SORBS2: variants seen among roughly 807,000 people sequenced by gnomAD.
SORBS2 encodes sorbin and SH3 domain containing 2.
In SORBS2, 46 loss-of-function variants were observed where a neutral mutation model predicts 97.7. The observed-to-expected ratio is 0.47, with a 90% confidence interval of 0.37 to 0.60. The LOEUF (loss-of-function observed/expected upper bound fraction) is 0.60. Ranked by LOEUF, SORBS2 falls within the 20% of genes least tolerant of loss-of-function variation. The pLI is 0.00. For synonymous variants in SORBS2, 476 were observed against 473.4 expected (o/e 1.01, Z -0.07); for missense variants, 1,316 against 1,282.3 (o/e 1.03, Z -0.40).
At chr4:185,707,544 A>C (rs577085119) in intron 2 of SORBS2, among the ~76,000 whole-genome samples, 242 of 152,114 alleles carry the variant, frequency 1.6e-3, no homozygotes, top group African/African-American at 5.5e-3. Flanking sequence ...TACAAGGCAC[A>C]TAAATTTATT....
intron 1 of SORBS2, among the ~76,000 whole-genome samples, chr4:185,920,463 TA>T (rs2099260458): frequency 6.6e-6 from 1 of 152,190 alleles, no homozygotes; most frequent in Non-Finnish European, 1.5e-5. Context: ...AGGGAATTTG[TA>T]ACAGATCCTG....
At chr4:185,890,194 A>G (rs1295638142) in intron 1 of SORBS2, among the ~76,000 whole-genome samples, 1 of 152,212 alleles carries the variant, frequency 6.6e-6, no homozygotes, top group East Asian at 1.9e-4. Flanking sequence ...GACCAGATTA[A>G]TTTTTAAGTG....
chr4:185,949,702 A>G (rs933608303), intron 1 of SORBS2, among the ~76,000 whole-genome samples: 13 of 152,140 alleles, frequency 8.5e-5, no homozygotes, highest in African/African-American at 3.1e-4. Flanking sequence ...AAAGCCCATT[A>G]AAACGTAAAG....
intron 1 of SORBS2, among the ~76,000 whole-genome samples, chr4:185,817,584 C>T (rs868777863): frequency 5.4e-4 from 83 of 152,316 alleles, no homozygotes; most frequent in Middle Eastern, 3.4e-3. Flanking sequence ...CAGGTACTTC[C>T]GGGCAACGTG....
intron 12 of SORBS2, among the ~76,000 whole-genome samples, chr4:185,599,460 A>C (rs2096202051): frequency 6.6e-6 from 1 of 152,190 alleles, no homozygotes; most frequent in Non-Finnish European, 1.5e-5. Flanking sequence ...AAGTGGATAG[A>C]ATCCAGACAG....
chr4:185,668,922 C>T (rs2097664243), intron 4 of SORBS2, among the ~76,000 whole-genome samples: 1 of 152,214 alleles, frequency 6.6e-6, no homozygotes, highest in Non-Finnish European at 1.5e-5. Context: ...TAATGAGAAA[C>T]ACCAGCTAGC....
chr4:185,935,636 T>C (rs115395174), intron 1 of SORBS2, among the ~76,000 whole-genome samples: 1 of 152,210 alleles, frequency 6.6e-6, no homozygotes, highest in Non-Finnish European at 1.5e-5. Flanking sequence ...ACTAGGGTAT[T>C]GATAGGGCTA....
intron 2 of SORBS2, among the ~76,000 whole-genome samples, chr4:185,691,832 C>T (rs547382135): frequency 6.6e-6 from 1 of 152,022 alleles, no homozygotes; most frequent in South Asian, 2.1e-4. Flanking sequence ...GCAAGCTCTG[C>T]CTCCCGGGCT....
In SORBS2 at chr4:185,801,930, T is replaced by C. The variant is rs373246560; in HGVS notation, c.-337-26564A>G. On this transcript the variant is annotated intron_variant, in intron 1 of 20. Transcript: ENST00000284776. ...AGGGCTGTTGAGCCAGACTCAACAA[T>C]TTACATGAAAGCACTGAGGGGGTGC... 4.5e-4 allele frequency among the ~76,000 whole-genome samples: 68 copies of C among 152,302 alleles called. 2 individuals carry two copies. The South Asian group carries it at 0.012, about 27-fold the overall frequency.
chr4:185,833,354 C>G (rs2099206180), intron 1 of SORBS2, among the ~76,000 whole-genome samples: 2 of 152,198 alleles, frequency 1.3e-5, no homozygotes, highest in South Asian at 4.1e-4. Flanking sequence ...CATTCCAGAA[C>G]CTGGTAATTC....
intron 1 of SORBS2, among the ~76,000 whole-genome samples, chr4:185,857,215 T>G (rs1242909575): frequency 6.6e-6 from 1 of 152,176 alleles, no homozygotes; most frequent in Non-Finnish European, 1.5e-5. Flanking sequence ...TAATGGACAT[T>G]GTTCCCAAAA....
At chr4:185,624,100 T>C (rs2153424227) in exon 7 of SORBS2, 1 of 1,614,176 alleles carries the variant, frequency 6.2e-7, no homozygotes, top group Admixed American at 1.7e-5. Context: ...CTGACCTGTG[T>C]CTGATCCTTG....
intron 12 of SORBS2, among the ~76,000 whole-genome samples, chr4:185,600,308 C>T (rs73020259): frequency 0.11 from 16,005 of 152,186 alleles, 1,959 homozygotes; most frequent in African/African-American, 0.3. Context: ...AGGGAAGAGG[C>T]CAAGAACATA....
At chr4:185,718,190 C>T (rs959862812) in intron 2 of SORBS2, among the ~76,000 whole-genome samples, 1 of 151,774 alleles carries the variant, frequency 6.6e-6, no homozygotes, top group Non-Finnish European at 1.5e-5. Context: ...AAGATCGCGC[C>T]ATTGCACTTC....
In SORBS2 at chr4:185,907,018, C is replaced by A. The variant is rs186665889; in HGVS notation, c.-338+49178G>T. 3.5e-3 allele frequency among the ~76,000 whole-genome samples: 537 copies of A among 152,130 alleles called. 2 individuals are homozygous for A. Among genetic ancestry groups the A allele is most frequent in the African/African-American group, 0.012 (492 of 41,502 alleles). ...GGGTGTGGTGGTGCGAGCCTGTAAT[C>A]CCAGCTACTCAGGAGGCTGAGGCAG... On this transcript the variant is annotated intron_variant, in intron 1 of 20. Transcript: ENST00000284776.
intron 1 of SORBS2, among the ~76,000 whole-genome samples, chr4:185,813,453 T>C (rs2099190359): frequency 6.6e-6 from 1 of 152,188 alleles, no homozygotes; most frequent in Non-Finnish European, 1.5e-5. Context: ...CTTTCCTGCT[T>C]GGGAGAGTCC....
At position 185,939,542 on chromosome 4, in the gene SORBS2, C is replaced by T. The variant is rs1310021984; in HGVS notation, c.-338+16654G>A. Among the ~76,000 whole-genome samples the T allele has an allele frequency of 2.0e-5, 3 of 152,044 alleles. No homozygotes were observed. The East Asian group carries it at 5.8e-4, about 29-fold the overall frequency. ...CTTTTTTTTTTGAGATGGAGTTGCA[C>T]TCTTGTTGCCCAGGCTGGAGTGCGA... On this transcript the variant is annotated intron_variant, in intron 1 of 20. Transcript: ENST00000284776.
chr4:185,883,159 G>A (rs574619655), intron 1 of SORBS2, among the ~76,000 whole-genome samples: 1 of 152,186 alleles, frequency 6.6e-6, no homozygotes, highest in East Asian at 1.9e-4. Flanking sequence ...TACTTATCAG[G>A]AGAAGAACTT....
At chr4:185,734,980 A>G (rs2098673706) in intron 2 of SORBS2, among the ~76,000 whole-genome samples, 1 of 152,228 alleles carries the variant, frequency 6.6e-6, no homozygotes, top group African/African-American at 2.4e-5. Context: ...TACAACTTAT[A>G]TGGCTGCAGC....
Sources: gnomAD v4.1 joint callset for allele counts (sites outside exome capture counted in the v4.1 genomes callset) on GRCh38, gnomAD v4.1.1 for gene constraint, MANE v1.5 for transcripts, NCBI Gene and HGNC (gene_info 2026-07-23, HGNC 2026-07-21) for gene names.